Variants in LMLN observed in about 807,000 individuals in gnomAD.
LMLN encodes leishmanolysin-like peptidase.
Under a neutral mutation model 92.3 loss-of-function variants are expected in LMLN, and 70 were observed. The ratio of observed to expected loss-of-function variants is 0.76; its 90% CI spans 0.63 to 0.92. The LOEUF is 0.92. LMLN is among the 40% of genes least tolerant of loss of function. The pLI, the probability that LMLN is intolerant of heterozygous loss-of-function variation, is 0.00. For synonymous variants in LMLN, 308 were observed against 296.2 expected, an observed-to-expected ratio of 1.04 and a Z score of -0.41; for missense variants, 691 against 814.6, an observed-to-expected ratio of 0.85 and a Z score of 1.85.
chr3:197,992,062 C>A (rs1245246967), intron 9 of LMLN, among the ~76,000 whole-genome samples: 1 of 129,938 alleles, frequency 7.7e-6, no homozygotes, highest in Admixed American at 8.4e-5. Flanking sequence ...GGGGTTTCAC[C>A]ATGTTGGTCA....
intron 10 of LMLN, among the ~76,000 whole-genome samples, chr3:197,997,651 C>G (rs1003640374): frequency 6.6e-6 from 1 of 152,182 alleles, no homozygotes; most frequent in African/African-American, 2.4e-5. Flanking sequence ...TCTTAGTATA[C>G]TTGGTGTTTA....
chr3:198,034,517 A>G (rs1723159147), intron 14 of LMLN, among the ~76,000 whole-genome samples: 1 of 152,144 alleles, frequency 6.6e-6, no homozygotes, highest in Admixed American at 6.5e-5. Context: ...AGGCTTAGGC[A>G]CGAGAATTGC....
chr3:197,960,589 C>T, intron 1 of LMLN, 149 bp downstream of exon 1: 5 of 694,196 alleles, frequency 7.2e-6, no homozygotes, highest in Non-Finnish European at 1.2e-5. Flanking sequence ...GACCCGCTCT[C>T]AGCTCCCTAC....
In LMLN at chr3:198,035,952, C is replaced by A; in HGVS notation, c.1776C>A (p.Asn592Lys). Residue 592 changes from asparagine to lysine, a missense_variant, in exon 15 of 16, where the codon AAC becomes AAA. Physicochemically the swap from Asn to Lys is moderately conservative, Grantham distance 94 (BLOSUM62 0). Coordinates refer to ENST00000330198, the Ensembl canonical transcript of LMLN. ...TGAATGGCTGGATTCACGATGGAAA[C>A]CTGCTCTGCCCATCATGTTGGGACT... 3 of 1,614,008 alleles carry A rather than the reference C, an allele frequency of 1.9e-6. No homozygotes were observed. The African/African-American group carries it at 4.0e-5, about 22-fold the overall frequency.
chr3:198,021,308 G>C, intron 12 of LMLN, 138 bp from the exon 14 acceptor site: 1 of 687,796 alleles, frequency 1.5e-6, no homozygotes, highest in Non-Finnish European at 2.5e-6. Flanking sequence ...TTCTTTATTT[G>C]GTGCCATTGA....
intron 11 of LMLN, among the ~76,000 whole-genome samples, chr3:198,012,641 T>C (rs926815864): frequency 1.3e-5 from 2 of 151,804 alleles, no homozygotes; most frequent in Non-Finnish European, 2.9e-5. Flanking sequence ...CTAGTCTGAC[T>C]TCTCTCCACC....
intron 1 of LMLN, among the ~76,000 whole-genome samples, chr3:197,962,087 C>T (rs1720918549): frequency 6.6e-6 from 1 of 152,196 alleles, no homozygotes; most frequent in Non-Finnish European, 1.5e-5. Context: ...CCCATCACAA[C>T]ATAGAACGTT....
In LMLN at chr3:197,970,744, A is replaced by G. The variant is rs75536589; in HGVS notation, c.220-3633A>G. Among the ~76,000 whole-genome samples, 737 of 152,342 alleles carry G rather than the reference A, an allele frequency of 4.8e-3. 7 individuals carry two copies. Among genetic ancestry groups the G allele is most frequent in the African/African-American group, 0.017 (706 of 41,568 alleles). On this transcript the variant is annotated intron_variant, in intron 1 of 15. Coordinates refer to ENST00000330198, the Ensembl canonical transcript of LMLN. ...TTAAATTACACTTCTAGATGCCAGC[A>G]AAAGGTCAACCTTGCAAGCAGGACT... is the stretch of plus-strand genomic sequence containing the variant.
intron 14 of LMLN, among the ~76,000 whole-genome samples, chr3:198,027,196 A>C (rs1722955974): frequency 6.6e-6 from 1 of 150,498 alleles, no homozygotes; most frequent in Admixed American, 6.6e-5. Flanking sequence ...ACTTTCTCCC[A>C]CTCCCATTAC....
At chr3:198,024,213 A>AT (rs1245381667) in intron 13 of LMLN, among the ~76,000 whole-genome samples, 2,410 of 134,962 alleles carry the variant, frequency 0.018, 42 homozygotes, top group Non-Finnish European at 0.026. Context: ...GTGGATCCTA[A>AT]TTTTTTTTTT....
At chr3:197,980,736 T>G (rs1180588134) in intron 6 of LMLN, 1 of 387,480 alleles carries the variant, frequency 2.6e-6, no homozygotes, top group African/African-American at 2.0e-5. Flanking sequence ...GTGAAGCACT[T>G]CGTTTGACTT....
chr3:197,966,448 A>T (rs1452924754), intron 1 of LMLN, among the ~76,000 whole-genome samples: 1 of 152,092 alleles, frequency 6.6e-6, no homozygotes, highest in South Asian at 2.1e-4. Flanking sequence ...GAGGGAAAAC[A>T]TTGTCTTCCA....
In LMLN at chr3:198,031,054, G is replaced by T. The variant is rs1461204415; in HGVS notation, c.1657-4779G>T. Among the ~76,000 whole-genome samples the T allele has an allele frequency of 3.9e-5, 6 of 152,126 alleles. No individual in the cohort carries two copies. The highest frequency in any genetic ancestry group is 8.8e-5 in the Non-Finnish European group (6 of 68,032). On this transcript the variant is annotated intron_variant, in intron 14 of 15. Coordinates refer to ENST00000330198, the Ensembl canonical transcript of LMLN. This position sits in a 1 kb window ranked among gnomAD's most constrained non-coding sequence, Gnocchi z 4.8. Reference sequence around the variant, plus strand: ...CCTCTGCCCTCAGGGTCCTCAGCTAGGCCTGAGAATGAAATAGGCATAAGC... The same window carrying T: ...CCTCTGCCCTCAGGGTCCTCAGCTATGCCTGAGAATGAAATAGGCATAAGC...
chr3:197,980,803 G>T, intron 6 of LMLN: 1 of 254,616 alleles, frequency 3.9e-6, no homozygotes, highest in Non-Finnish European at 7.7e-6. Context: ...AAATTCCAAA[G>T]AAAAAGTCTG....
At chr3:198,037,985 T>C (rs191456849) in intron 15 of LMLN, among the ~76,000 whole-genome samples, 19 of 151,798 alleles carry the variant, frequency 1.3e-4, no homozygotes, top group African/African-American at 4.4e-4. Context: ...TCACAGTCCG[T>C]CTGCCTATTG....
At chr3:197,999,111 C>G (rs943472359) in intron 10 of LMLN, among the ~76,000 whole-genome samples, 155 bp from the exon 11 acceptor site, 1 of 152,236 alleles carries the variant, frequency 6.6e-6, no homozygotes, top group Non-Finnish European at 1.5e-5. Context: ...TCAGTCTAGT[C>G]ATCTTAAAGG....
At chr3:197,975,055 A>G in exon 3 of LMLN, 1 of 1,488,890 alleles carries the variant, frequency 6.7e-7, no homozygotes, top group Non-Finnish European at 9.3e-7. Context: ...GCTCCCTGAG[A>G]AAAAGAATCT....
intron 1 of LMLN, among the ~76,000 whole-genome samples, chr3:197,969,504 A>T (rs569477464): frequency 1.3e-5 from 2 of 152,258 alleles, no homozygotes; most frequent in African/African-American, 4.8e-5. Context: ...TTTCAAAAGT[A>T]TTTGGGGATT....
chr3:197,960,586 T>A, intron 1 of LMLN, 146 bp downstream of exon 1: 1 of 711,232 alleles, frequency 1.4e-6, no homozygotes, highest in Non-Finnish European at 2.3e-6. Flanking sequence ...TGGGACCCGC[T>A]CTCAGCTCCC....
Sources: gnomAD v4.1 joint callset for allele counts (sites outside exome capture counted in the v4.1 genomes callset) on GRCh38, gnomAD v4.1.1 for gene constraint, Gnocchi (gnomAD v3.1) non-coding constraint, MANE v1.5 for transcripts, NCBI Gene and HGNC (gene_info 2026-07-23, HGNC 2026-07-21) for gene names.